SLC44A5: variants seen among roughly 807,000 people sequenced by gnomAD.
The protein encoded by SLC44A5 is choline transporter-like protein 5.
A neutral mutation model predicts 101.8 loss-of-function variants in SLC44A5; 57 were observed. The observed-to-expected ratio is 0.56, with a 90% confidence interval of 0.45 to 0.70. The LOEUF (loss-of-function observed/expected upper bound fraction) is 0.70. Among genes scored for constraint, SLC44A5 ranks in the 30% least tolerant of loss-of-function variants. The pLI, the probability that SLC44A5 is intolerant of heterozygous loss-of-function variation, is 0.00. For missense variants in SLC44A5, 737 were observed against 853.1 expected (o/e 0.86, Z 1.70); for synonymous variants, 281 against 290.9 (o/e 0.97, Z 0.35).
intron 1 of SLC44A5, among the ~76,000 whole-genome samples, chr1:75,582,933 C>A (rs1673781094): frequency 6.6e-6 from 1 of 152,160 alleles, no homozygotes; most frequent in Non-Finnish European, 1.5e-5. Flanking sequence ...CATTTTTCTC[C>A]CATCACTGCA....
chr1:75,396,783 C>T (rs1557741379), intron 2 of SLC44A5, 162 bp from the exon 3 acceptor site: 1 of 598,880 alleles, frequency 1.7e-6, no homozygotes, highest in African/African-American at 1.8e-5. Context: ...ATACACAAAG[C>T]TGCCAATAAT....
chr1:75,603,157 C>T (rs1048259827), intron 1 of SLC44A5, among the ~76,000 whole-genome samples: 1 of 152,012 alleles, frequency 6.6e-6, no homozygotes, highest in African/African-American at 2.4e-5. Flanking sequence ...CTAGCAGTCC[C>T]AGTATCAATT....
chr1:75,466,307 C>T (rs1416517609), intron 2 of SLC44A5, among the ~76,000 whole-genome samples: 1 of 152,152 alleles, frequency 6.6e-6, no homozygotes, highest in African/African-American at 2.4e-5. Flanking sequence ...GCTGAAAAAG[C>T]ATTTGATAAA....
intron 3 of SLC44A5, among the ~76,000 whole-genome samples, chr1:75,358,480 A>T (rs1659244157): frequency 6.6e-6 from 1 of 152,160 alleles, no homozygotes; most frequent in Non-Finnish European, 1.5e-5. Context: ...CATATATTTA[A>T]GGTATATAAT....
chr1:75,336,017 C>T (rs925440878), intron 4 of SLC44A5, among the ~76,000 whole-genome samples: 14 of 152,008 alleles, frequency 9.2e-5, no homozygotes, highest in Non-Finnish European at 2.1e-4. Context: ...GTGTAATTTC[C>T]CTTGGAGGAC....
the SLC44A5 span, among the ~76,000 whole-genome samples, chr1:75,626,365 G>A: frequency 6.6e-6 from 1 of 152,062 alleles, no homozygotes; most frequent in Non-Finnish European, 1.5e-5. Context: ...AAGGGAGGAG[G>A]CTGACCATCT....
chr1:75,474,393 A>G (rs1667274072), intron 2 of SLC44A5, among the ~76,000 whole-genome samples: 1 of 152,192 alleles, frequency 6.6e-6, no homozygotes, highest in Admixed American at 6.5e-5. Flanking sequence ...ATATACTTAC[A>G]TTCATTCACG....
chr1:75,306,797 C>T (rs1654944296), intron 4 of SLC44A5, among the ~76,000 whole-genome samples: 1 of 133,622 alleles, frequency 7.5e-6, no homozygotes, highest in Non-Finnish European at 1.5e-5. Context: ...TGCAGTGGAG[C>T]AATCTCGGCT....
chr1:75,302,255 T>C (rs1227258624), intron 4 of SLC44A5, among the ~76,000 whole-genome samples: 2 of 151,564 alleles, frequency 1.3e-5, no homozygotes, highest in Non-Finnish European at 2.9e-5. Flanking sequence ...AGTTGTTACA[T>C]ACCTCAACAC....
At chr1:75,637,268 C>T in the SLC44A5 span, among the ~76,000 whole-genome samples, 1 of 151,938 alleles carries the variant, frequency 6.6e-6, no homozygotes, top group East Asian at 1.9e-4. Flanking sequence ...CCCAAACATC[C>T]ATCAATATAT....
intron 1 of SLC44A5, among the ~76,000 whole-genome samples, chr1:75,600,992 G>C (rs1476253750): frequency 1.3e-5 from 2 of 152,120 alleles, no homozygotes; most frequent in African/African-American, 4.8e-5. Context: ...GAAACAAAAT[G>C]AATCAAGTGC....
chr1:75,302,856 C>T (rs1654605583), intron 4 of SLC44A5, among the ~76,000 whole-genome samples: 2 of 152,078 alleles, frequency 1.3e-5, no homozygotes, highest in Admixed American at 1.3e-4. Flanking sequence ...ATACAGTGGA[C>T]AAAGAGATGA....
At chr1:75,388,727 C>T (rs919013138) in intron 3 of SLC44A5, among the ~76,000 whole-genome samples, 15 of 151,292 alleles carry the variant, frequency 9.9e-5, no homozygotes, top group African/African-American at 3.4e-4. Flanking sequence ...TGCAGTGAGC[C>T]GAGATCGCTC....
intron 17 of SLC44A5, 113 bp downstream of exon 17, chr1:75,218,377 C>A: frequency 7.2e-7 from 1 of 1,397,270 alleles, no homozygotes; most frequent in Non-Finnish European, 9.8e-7. Context: ...AATTTTGATT[C>A]ATACCTTTGA....
chr1:75,658,830 A>G, the SLC44A5 span, among the ~76,000 whole-genome samples: 1 of 152,116 alleles, frequency 6.6e-6, no homozygotes, highest in Non-Finnish European at 1.5e-5. Flanking sequence ...AGATCAGAAA[A>G]GGAAAATTTG....
intron 1 of SLC44A5, among the ~76,000 whole-genome samples, chr1:75,608,554 G>A (rs571519096): frequency 1.3e-5 from 2 of 152,068 alleles, no homozygotes; most frequent in South Asian, 2.1e-4. Flanking sequence ...CTGAACTGGT[G>A]CCACATTTCC....
At chr1:75,646,505 G>T in the SLC44A5 span, among the ~76,000 whole-genome samples, 1 of 152,136 alleles carries the variant, frequency 6.6e-6, no homozygotes, top group Non-Finnish European at 1.5e-5. Flanking sequence ...ATGGACAGTT[G>T]ATATGGCCTG....
intron 1 of SLC44A5, among the ~76,000 whole-genome samples, chr1:75,609,196 C>G (rs1442112158): frequency 6.6e-6 from 1 of 151,706 alleles, no homozygotes; most frequent in African/African-American, 2.4e-5. Context: ...ATTTATACCT[C>G]AAAGGACTAA....
At chr1:75,326,997 T>G (rs1490305996) in intron 4 of SLC44A5, among the ~76,000 whole-genome samples, 1 of 152,090 alleles carries the variant, frequency 6.6e-6, no homozygotes, top group Non-Finnish European at 1.5e-5. Flanking sequence ...ATAAGGTACA[T>G]GTAAATCAAC....
Sources: allele counts gnomAD v4.1 joint callset (sites outside exome capture counted in the v4.1 genomes callset), GRCh38; gene constraint gnomAD v4.1.1; transcripts MANE v1.5; gene names NCBI Gene and HGNC (gene_info 2026-07-23, HGNC 2026-07-21).